The following ITGA9 variants were observed in gnomAD, a reference collection of about 807,000 sequenced individuals.
ITGA9 encodes the protein integrin subunit alpha 9, also known as integrin alpha-9.
A neutral mutation model predicts 127.8 loss-of-function variants in ITGA9; 56 were observed. The observed-to-expected ratio is 0.44, with a 90% CI of 0.35 to 0.55. The LOEUF (loss-of-function observed/expected upper bound fraction) is 0.55, where lower values mean the gene tolerates loss of function less well. Ranked by LOEUF, ITGA9 falls within the 20% of genes least tolerant of loss-of-function variation. The probability of loss-of-function intolerance (pLI) is 0.00; values close to 1 mark genes in which losing one functional copy is unlikely to be tolerated. For missense variants in ITGA9, 1,196 were observed against 1,347.1 expected (o/e 0.89, Z 1.76); for synonymous variants, 508 against 514.5 (o/e 0.99, Z 0.17).
intron 26 of ITGA9, 127 bp downstream of exon 26, chr3:37,785,205 C>A: frequency 1.4e-6 from 1 of 738,540 alleles, no homozygotes; most frequent in South Asian, 1.5e-5. Flanking sequence ...GTGGCAGACC[C>A]AAGACTATGC....
At chr3:37,646,911 C>G (rs1700383306) in intron 16 of ITGA9, among the ~76,000 whole-genome samples, 1 of 151,934 alleles carries the variant, frequency 6.6e-6, no homozygotes, top group Non-Finnish European at 1.5e-5. Flanking sequence ...GAAGTCATTT[C>G]TACTTGGTTT....
At chr3:37,584,670 G>C (rs1023464129) in intron 15 of ITGA9, among the ~76,000 whole-genome samples, 1 of 152,096 alleles carries the variant, frequency 6.6e-6, no homozygotes, top group Non-Finnish European at 1.5e-5. Context: ...CAGGAGAATT[G>C]CTTGAACTCG....
chr3:37,532,967 A>G (rs979649917), intron 13 of ITGA9, among the ~76,000 whole-genome samples: 1 of 152,314 alleles, frequency 6.6e-6, no homozygotes, highest in South Asian at 2.1e-4. Flanking sequence ...TCTTAAATGT[A>G]TTCTTATCTC....
chr3:37,678,351 A>G (rs929662358), intron 17 of ITGA9, among the ~76,000 whole-genome samples: 5 of 152,140 alleles, frequency 3.3e-5, no homozygotes, highest in African/African-American at 1.2e-4. Context: ...TGTTTTTTTG[A>G]TAGTTGCCAT....
chr3:37,771,553 T>G lies in ITGA9; in HGVS notation c.2542-5839T>G, dbSNP rs1696843652. Reference sequence around the variant, plus strand: ...TAGGGCTGAAGCCAGGACTATTGAGTATTCATCAAGAGCGTCTGTACCACA... The same window carrying G: ...TAGGGCTGAAGCCAGGACTATTGAGGATTCATCAAGAGCGTCTGTACCACA... On this transcript the variant is annotated intron_variant, in intron 23 of 27. Coordinates refer to ENST00000264741, the MANE Select transcript of ITGA9 (RefSeq NM_002207.3). 2.0e-5 allele frequency among the ~76,000 whole-genome samples: 3 copies of G among 152,006 alleles called. No individual in the cohort carries two copies. The South Asian group carries it at 6.2e-4, about 32-fold the overall frequency.
At chr3:37,804,630 C>T (rs1387978129) in intron 27 of ITGA9, among the ~76,000 whole-genome samples, 2 of 152,154 alleles carry the variant, frequency 1.3e-5, no homozygotes, top group African/African-American at 4.8e-5. Context: ...CTGTCTCTTC[C>T]TTGTTTCCAC....
intron 15 of ITGA9, among the ~76,000 whole-genome samples, chr3:37,546,090 A>C (rs1480774567): frequency 6.6e-6 from 1 of 152,238 alleles, no homozygotes; most frequent in Non-Finnish European, 1.5e-5. Context: ...TCTCAAATAA[A>C]ATAATTTAAA....
In ITGA9 at chr3:37,629,418, C is replaced by A; in HGVS notation, c.1839+82C>A. On this transcript the variant is annotated intron_variant, in intron 16 of 27. Transcript: ENST00000264741. The surrounding 1 kb of genome is among the most constrained non-coding windows in gnomAD (Gnocchi z 4.5). ...ATAATGGCCCAAAAGTTGAGAGAGC[C>A]GTGGGCCTGGCTGCTCAGGAGACCG... is the stretch of plus-strand genomic sequence containing the variant. 6.6e-7 allele frequency: 1 copy of A among 1,524,044 alleles called. No homozygotes were observed. 94.4% of individuals were successfully genotyped at this position (1,524,044 alleles called of 1,614,324 possible). A position where few individuals can be genotyped will look rare whatever the true frequency, so the allele number is the denominator to read the frequency against.
chr3:37,620,211 G>A (rs922292961), intron 15 of ITGA9, among the ~76,000 whole-genome samples: 7 of 152,188 alleles, frequency 4.6e-5, no homozygotes, highest in Non-Finnish European at 8.8e-5. Context: ...GTCACAGGGC[G>A]TCACTTGCAG....
chr3:37,558,086 C>T (rs1009078079), intron 15 of ITGA9, among the ~76,000 whole-genome samples: 1 of 152,160 alleles, frequency 6.6e-6, no homozygotes. Flanking sequence ...ACTTTTCAGC[C>T]GCTCCTGTGC....
intron 14 of ITGA9, among the ~76,000 whole-genome samples, chr3:37,536,799 A>C (rs1699212192): frequency 6.6e-6 from 1 of 152,220 alleles, no homozygotes; most frequent in African/African-American, 2.4e-5. Context: ...AGTCAGGAAA[A>C]CAAAAACCAT....
chr3:37,770,797 C>T (rs1696833539), intron 23 of ITGA9, among the ~76,000 whole-genome samples: 1 of 152,184 alleles, frequency 6.6e-6, no homozygotes, highest in Non-Finnish European at 1.5e-5. Context: ...CAGCTCCTTT[C>T]ACTGAGGCTG....
At chr3:37,757,675 T>C (rs1696670236) in intron 23 of ITGA9, among the ~76,000 whole-genome samples, 1 of 151,570 alleles carries the variant, frequency 6.6e-6, no homozygotes, top group African/African-American at 2.4e-5. Context: ...AAAAAATCTT[T>C]TCAATTTTAT....
chr3:37,659,962 T>C (rs1022250933), intron 17 of ITGA9, among the ~76,000 whole-genome samples: 9 of 149,152 alleles, frequency 6.0e-5, no homozygotes, highest in African/African-American at 2.3e-4. Flanking sequence ...TCAGTTTGAG[T>C]TTACTGGAGG....
rs557346046 is a variant in ITGA9, at chr3:37,654,089, A to G, written c.1916+299A>G. Among the ~76,000 whole-genome samples the G allele has an allele frequency of 2.0e-5, 3 of 152,144 alleles. No individual in the cohort carries two copies. The South Asian group carries it at 6.2e-4, about 32-fold the overall frequency. ...TGGCTATTTTATGCTTGCTGATTGT[A>G]TTAAGTTGAATCATATGAAATTGCC... is the stretch of plus-strand genomic sequence containing the variant. On this transcript the variant is annotated intron_variant, in intron 17 of 27. Coordinates refer to ENST00000264741, the MANE Select transcript of ITGA9 (RefSeq NM_002207.3).
At chr3:37,784,598 T>C (rs899661086) in intron 25 of ITGA9, among the ~76,000 whole-genome samples, 8 of 152,220 alleles carry the variant, frequency 5.3e-5, no homozygotes, top group Non-Finnish European at 1.0e-4. Context: ...ATCAGATGCC[T>C]TCTGTGGAAT....
At chr3:37,555,685 C>T (rs757484056) in intron 15 of ITGA9, among the ~76,000 whole-genome samples, 8 of 152,348 alleles carry the variant, frequency 5.3e-5, no homozygotes, top group East Asian at 1.9e-4. Flanking sequence ...GACTGTTTCA[C>T]GTTGTACTTA....
chr3:37,536,246 T>C (rs974687662), intron 14 of ITGA9, among the ~76,000 whole-genome samples: 6 of 152,214 alleles, frequency 3.9e-5, no homozygotes, highest in Non-Finnish European at 8.8e-5. Flanking sequence ...TTCCTACTCT[T>C]TGTGCTGGCA....
At chr3:37,533,073 T>C (rs1699172922) in intron 13 of ITGA9, among the ~76,000 whole-genome samples, 1 of 152,252 alleles carries the variant, frequency 6.6e-6, no homozygotes, top group African/African-American at 2.4e-5. Flanking sequence ...ATGCGTTTTA[T>C]TAACAACAAA....
Sources: gnomAD v4.1 joint callset for allele counts (sites outside exome capture counted in the v4.1 genomes callset) on GRCh38, gnomAD v4.1.1 for gene constraint, Gnocchi (gnomAD v3.1) non-coding constraint, MANE v1.5 for transcripts, NCBI Gene and HGNC (gene_info 2026-07-23, HGNC 2026-07-21) for gene names.